RAD51B: variants seen among roughly 807,000 people sequenced by gnomAD.
RAD51B encodes DNA repair protein RAD51 homolog 2.
A neutral mutation model predicts 42.2 loss-of-function variants in RAD51B; 38 were observed. The observed-to-expected ratio is 0.90, with a 90% confidence interval of 0.70 to 1.18. The LOEUF (loss-of-function observed/expected upper bound fraction) is 1.18. Ranked by LOEUF, RAD51B falls within the 50% of genes most tolerant of loss-of-function variation. The probability of loss-of-function intolerance (pLI) is 0.00; values close to 1 mark genes in which losing one functional copy is unlikely to be tolerated. For missense variants in RAD51B, 373 were observed against 400.7 expected, an observed-to-expected ratio of 0.93 and a Z score of 0.59; for synonymous variants, 154 against 145.2, an observed-to-expected ratio of 1.06 and a Z score of -0.43.
intron 7 of RAD51B, among the ~76,000 whole-genome samples, chr14:68,132,581 G>T (rs941441635): frequency 1.3e-5 from 2 of 152,192 alleles, no homozygotes; most frequent in African/African-American, 4.8e-5. Flanking sequence ...GAAATTAGTG[G>T]AAAGATATTA....
intron 7 of RAD51B, among the ~76,000 whole-genome samples, chr14:68,077,270 A>G (rs1385329144): frequency 6.6e-6 from 1 of 152,222 alleles, no homozygotes; most frequent in African/African-American, 2.4e-5. Flanking sequence ...TCACACAACC[A>G]GTATTTATCA....
rs574776898 is a variant in RAD51B, at chr14:68,559,174, C to A, written c.1037-35311C>A. 2.0e-3 allele frequency among the ~76,000 whole-genome samples: 297 copies of A among 151,398 alleles called. 1 individual carries two copies. Among genetic ancestry groups the A allele is most frequent in the Non-Finnish European group, 3.8e-3 (257 of 67,874 alleles). The stretch of plus-strand genomic sequence containing the variant: ...GTCCATATATATGTGTCTATAGAGA[C>A]AAATACCTATAAAATAGTAGGTAAT... On this transcript the variant is annotated intron_variant, in intron 10 of 10. Transcript: ENST00000487270.
chr14:67,962,023 T>C (rs536338445), intron 7 of RAD51B, among the ~76,000 whole-genome samples: 87 of 152,200 alleles, frequency 5.7e-4, no homozygotes, highest in Middle Eastern at 6.8e-3. Flanking sequence ...TGTTAAAAAG[T>C]GAGTTTATAT....
chr14:68,304,154 A>G (rs998834827), intron 8 of RAD51B, among the ~76,000 whole-genome samples: 2 of 145,350 alleles, frequency 1.4e-5, no homozygotes, highest in Admixed American at 1.4e-4. Context: ...TGGGCGAGAG[A>G]GCAAGACTCT....
intron 10 of RAD51B, among the ~76,000 whole-genome samples, chr14:68,616,958 G>C (rs553799132): frequency 1.3e-5 from 2 of 151,872 alleles, no homozygotes. Context: ...CTCATTTTAT[G>C]TATGTTTTTC....
At chr14:68,648,036 T>TATATATATATATATACAC (rs375269798) in intron 10 of RAD51B, among the ~76,000 whole-genome samples, 6 of 114,004 alleles carry the variant, frequency 5.3e-5, no homozygotes, top group African/African-American at 2.0e-4. Context: ...TATATATATA[T>TATATATATATATATACAC]ACACACGTAT....
At chr14:68,283,726 C>T (rs1299306177) in intron 7 of RAD51B, among the ~76,000 whole-genome samples, 1 of 152,190 alleles carries the variant, frequency 6.6e-6, no homozygotes, top group Non-Finnish European at 1.5e-5. Context: ...CCATTGGGGC[C>T]AGTGGGGCAG....
At chr14:68,292,167 C>T (rs527664592) in intron 8 of RAD51B, among the ~76,000 whole-genome samples, 187 bp downstream of exon 8, 47 of 152,280 alleles carry the variant, frequency 3.1e-4, no homozygotes, top group African/African-American at 1.1e-3. Flanking sequence ...GAGTCTTTTG[C>T]CCTGCCTCTA....
At chr14:67,860,914 C>T (rs1361139449) in intron 4 of RAD51B, among the ~76,000 whole-genome samples, 1 of 152,196 alleles carries the variant, frequency 6.6e-6, no homozygotes, top group African/African-American at 2.4e-5. Flanking sequence ...GACTGTTAGG[C>T]TGGGCATGTT....
intron 11 of RAD51B, among the ~76,000 whole-genome samples, chr14:68,656,654 C>T (rs757477435): frequency 3.9e-5 from 6 of 152,146 alleles, no homozygotes; most frequent in Admixed American, 6.5e-5. Context: ...AAAAGGCGAC[C>T]GCAGGCCGGC....
At chr14:68,002,026 TA>T (rs2075494483) in intron 7 of RAD51B, among the ~76,000 whole-genome samples, 2 of 152,228 alleles carry the variant, frequency 1.3e-5, no homozygotes, top group African/African-American at 4.8e-5. Flanking sequence ...TGTATCTTTA[TA>T]ACAGAATGAT....
In RAD51B at chr14:68,176,888, T is replaced by A. The variant is rs1272344002; in HGVS notation, c.757-114996T>A. On this transcript the variant is annotated intron_variant, in intron 7 of 10. Transcript: ENST00000471583. ...GTTAGCAGCAAGAGTATGTATTTCA[T>A]GGGCCTGGGGCATATTAATCAACTG... Among the ~76,000 whole-genome samples the A allele has an allele frequency of 3.3e-5, 5 of 152,284 alleles. No individual in the cohort carries two copies. The South Asian group carries it at 1.0e-3, about 32-fold the overall frequency.
At position 68,203,034 on chromosome 14, in the gene RAD51B, T is replaced by C. The variant is rs1259354511; in HGVS notation, c.757-88850T>C. 2.6e-5 allele frequency among the ~76,000 whole-genome samples: 4 copies of C among 152,154 alleles called. No homozygotes were observed. In the East Asian group the frequency reaches 5.8e-4, roughly 22 times the overall value. ...ACCCCTCAGAGTCATCCCTGAGGGT[T>C]GGAATCAGTTTCTTTAAAACTCCTG... On this transcript the variant is annotated intron_variant, in intron 7 of 10. Transcript: ENST00000471583.
At chr14:68,249,649 C>T (rs1344686370) in intron 7 of RAD51B, among the ~76,000 whole-genome samples, 2 of 152,226 alleles carry the variant, frequency 1.3e-5, no homozygotes, top group Admixed American at 6.5e-5. Context: ...TCACCACTTT[C>T]CGACTGGGAA....
chr14:68,133,498 G>A (rs1283371000), intron 7 of RAD51B, among the ~76,000 whole-genome samples: 2 of 152,100 alleles, frequency 1.3e-5, no homozygotes, highest in African/African-American at 2.4e-5. Context: ...TTGAGACGAA[G>A]TCTCACTGTG....
intron 7 of RAD51B, among the ~76,000 whole-genome samples, chr14:68,289,892 A>G (rs536914756): frequency 6.6e-6 from 1 of 152,232 alleles, no homozygotes; most frequent in Non-Finnish European, 1.5e-5. Flanking sequence ...AAGATTAGCA[A>G]ATACTGAGTG....
At chr14:68,582,486 A>T (rs1024715491) in intron 10 of RAD51B, among the ~76,000 whole-genome samples, 1 of 152,248 alleles carries the variant, frequency 6.6e-6, no homozygotes, top group East Asian at 1.9e-4. Context: ...AATGGCGATC[A>T]TTAAAAAGTC....
chr14:67,938,916 G>C (rs2045057030), intron 7 of RAD51B, among the ~76,000 whole-genome samples: 1 of 152,092 alleles, frequency 6.6e-6, no homozygotes, highest in Non-Finnish European at 1.5e-5. Flanking sequence ...TGGTAAACTT[G>C]GGCCTGAGAA....
At chr14:68,106,312 A>G (rs1288202888) in intron 7 of RAD51B, among the ~76,000 whole-genome samples, 1 of 151,922 alleles carries the variant, frequency 6.6e-6, no homozygotes, top group Admixed American at 6.6e-5. Context: ...AAGGAAATAT[A>G]CAGAAAAAAT....
Sources: allele counts gnomAD v4.1 joint callset (sites outside exome capture counted in the v4.1 genomes callset), GRCh38; gene constraint gnomAD v4.1.1; transcripts MANE v1.5; gene names NCBI Gene and HGNC (gene_info 2026-07-23, HGNC 2026-07-21).